The following TDRD1 variants were observed in gnomAD, a reference collection of about 807,000 sequenced individuals.
TDRD1 encodes the protein tudor domain-containing protein 1.
TDRD1 carries 37 observed loss-of-function variants against 140.6 expected under a neutral mutation model. That is an observed-to-expected ratio of 0.26 (90% CI 0.20 to 0.35). The LOEUF (loss-of-function observed/expected upper bound fraction) is 0.35, where lower values mean the gene tolerates loss of function less well. TDRD1 is among the 10% of genes least tolerant of loss of function. The probability of loss-of-function intolerance (pLI) is 1.00; values close to 1 mark genes in which losing one functional copy is unlikely to be tolerated. For synonymous variants in TDRD1, 506 were observed against 475.7 expected (o/e 1.06, Z -0.83); for missense variants, 1,243 against 1,393.0 (o/e 0.89, Z 1.71).
intron 3 of TDRD1, among the ~76,000 whole-genome samples, chr10:114,198,630 G>GA (rs60227016): frequency 1 from 152,287 of 152,292 alleles, 76,141 homozygotes; most frequent in Non-Finnish European, 1. Context: ...CCTTTGGCTA[G>GA]CAGAGCAGGT....
At chr10:114,180,048 G>A (rs552179857) in intron 1 of TDRD1, 1 of 152,314 alleles carries the variant, frequency 6.6e-6, no homozygotes, top group Non-Finnish European at 1.5e-5. Flanking sequence ...GGTTTGGTAA[G>A]TTATTCCAAC....
intron 11 of TDRD1, among the ~76,000 whole-genome samples, chr10:114,206,650 G>A (rs2035134546): frequency 1.7e-5 from 2 of 118,150 alleles, no homozygotes; most frequent in South Asian, 2.7e-4. Flanking sequence ...TTTCACTCTT[G>A]TTGTCCAAGC....
intron 16 of TDRD1, 30 bp downstream of exon 16, chr10:114,214,144 T>C (rs1308609974): frequency 3.1e-6 from 5 of 1,601,914 alleles, no homozygotes; most frequent in Non-Finnish European, 4.3e-6. Context: ...TTGTTTCTTT[T>C]TACAAATACA....
intron 1 of TDRD1, among the ~76,000 whole-genome samples, chr10:114,187,029 C>G (rs959266558): frequency 6.6e-6 from 1 of 152,070 alleles, no homozygotes; most frequent in Non-Finnish European, 1.5e-5. Flanking sequence ...AAGAGGTGTT[C>G]GTCCCTTTTA....
intron 4 of TDRD1, among the ~76,000 whole-genome samples, 179 bp downstream of exon 4, chr10:114,199,496 C>T (rs2132931252): frequency 6.6e-6 from 1 of 152,366 alleles, no homozygotes; most frequent in Middle Eastern, 3.4e-3. Flanking sequence ...CCTTCCCATT[C>T]TTCCTGCTTC....
rs978979921 is a variant in TDRD1, at chr10:114,226,137, C to T, written c.3096C>T (p.Thr1032=). 12 of 1,613,880 alleles carry T rather than the reference C, an allele frequency of 7.4e-6. No homozygotes were observed. In the Admixed American group the frequency reaches 1.8e-4, roughly 25 times the overall value. ...ATGCAGACTATGGAAACATTGAAAC[C>T]CTGCCTCTTTGCAGAGTGCAACCAA... Residue 1032 remains threonine (T), a synonymous_variant, in exon 22 of 26, where the codon ACC becomes ACT. Coordinates refer to ENST00000251864, the Ensembl canonical transcript of TDRD1.
chr10:114,210,772 T>A, intron 12 of TDRD1, 24 bp downstream of exon 12: 1 of 1,610,032 alleles, frequency 6.2e-7, no homozygotes, highest in Non-Finnish European at 8.5e-7. Flanking sequence ...CTTGATTTGC[T>A]CTATGAAGCT....
upstream of TDRD1, among the ~76,000 whole-genome samples, chr10:114,175,696 A>C (rs929410228): frequency 1.3e-5 from 2 of 152,226 alleles, no homozygotes; most frequent in African/African-American, 4.8e-5. Context: ...AAGAAAAGCA[A>C]AGATAACATG....
At chr10:114,208,002 C>A (rs924795468) in intron 11 of TDRD1, among the ~76,000 whole-genome samples, 1 of 151,968 alleles carries the variant, frequency 6.6e-6, no homozygotes, top group Non-Finnish European at 1.5e-5. Flanking sequence ...ATAAAGCCAT[C>A]TGGAAGTGAT....
chr10:114,201,602 C>A, intron 5 of TDRD1, 87 bp downstream of exon 5: 1 of 1,062,602 alleles, frequency 9.4e-7, no homozygotes, highest in Non-Finnish European at 1.4e-6. Context: ...CAGACCACAA[C>A]CAAGTAGAAG....
intron 1 of TDRD1, 93 bp from the exon 2 acceptor site, chr10:114,187,733 A>G: frequency 8.8e-7 from 1 of 1,132,438 alleles, no homozygotes; most frequent in Admixed American, 2.3e-5. Flanking sequence ...ATTATCTGTT[A>G]CGTAAATATA....
chr10:114,178,078 A>G (rs920788758), upstream of TDRD1, among the ~76,000 whole-genome samples: 14 of 151,934 alleles, frequency 9.2e-5, no homozygotes, highest in Admixed American at 5.2e-4. Context: ...CCAGACCTCA[A>G]GTGATCTGCC....
chr10:114,185,675 C>T (rs1169706760), intron 1 of TDRD1, among the ~76,000 whole-genome samples: 2 of 151,516 alleles, frequency 1.3e-5, no homozygotes, highest in Non-Finnish European at 2.9e-5. Flanking sequence ...GTAACCTCCA[C>T]CTCCCAGGAT....
At chr10:114,188,065 T>C in exon 2 of TDRD1, 1 of 1,614,158 alleles carries the variant, frequency 6.2e-7, no homozygotes, top group South Asian at 1.1e-5. Context: ...AATATTTGGC[T>C]AGTCAGGAAG....
intron 11 of TDRD1, among the ~76,000 whole-genome samples, chr10:114,206,666 T>C (rs2035136260): frequency 6.9e-6 from 1 of 144,914 alleles, no homozygotes; most frequent in Non-Finnish European, 1.5e-5. Flanking sequence ...CAAGCTGGAG[T>C]GCAATGGCAT....
At chr10:114,209,033 C>T (rs1046268526) in intron 11 of TDRD1, among the ~76,000 whole-genome samples, 2 of 152,044 alleles carry the variant, frequency 1.3e-5, no homozygotes, top group Non-Finnish European at 1.5e-5. Flanking sequence ...CTGCCCGCCT[C>T]GGCCTCCCAA....
At chr10:114,196,994 C>T (rs1029014995) in intron 3 of TDRD1, among the ~76,000 whole-genome samples, 1 of 145,942 alleles carries the variant, frequency 6.9e-6, no homozygotes, top group African/African-American at 2.5e-5. Context: ...TTACAGATGC[C>T]CTCCACCACA....
intron 3 of TDRD1, among the ~76,000 whole-genome samples, chr10:114,191,344 C>T (rs2033951660): frequency 6.6e-6 from 1 of 152,094 alleles, no homozygotes; most frequent in Non-Finnish European, 1.5e-5. Context: ...CCTTATATAC[C>T]TTGTTGCTTA....
exon 19 of TDRD1, chr10:114,220,697 A>G (rs776365312): frequency 6.2e-7 from 1 of 1,614,048 alleles, no homozygotes; most frequent in Non-Finnish European, 8.5e-7. Context: ...GAACTCACCG[A>G]TCTCTCCACT....
Sources: allele counts gnomAD v4.1 joint callset (sites outside exome capture counted in the v4.1 genomes callset), GRCh38; gene constraint gnomAD v4.1.1; transcripts MANE v1.5; gene names NCBI Gene and HGNC (gene_info 2026-07-23, HGNC 2026-07-21).